TTPA: variants seen among roughly 807,000 people sequenced by gnomAD.
TTPA encodes alpha-tocopherol transfer protein.
TTPA carries 23 observed loss-of-function variants against 25.9 expected under a neutral mutation model. The observed-to-expected ratio is 0.89, with a 90% CI of 0.64 to 1.26. The LOEUF (loss-of-function observed/expected upper bound fraction) is 1.26, where lower values mean the gene tolerates loss of function less well. TTPA is among the 50% of genes most tolerant of loss of function. The probability of loss-of-function intolerance (pLI) is 0.00; values close to 1 mark genes in which losing one functional copy is unlikely to be tolerated. For synonymous variants in TTPA, 148 were observed against 137.3 expected (o/e 1.08, Z -0.54); for missense variants, 337 against 353.1 (o/e 0.95, Z 0.37).
In TTPA at chr8:63,060,066, ACT is replaced by A. The variant is rs1313107194; in HGVS notation, c.*1184_*1185del. On this transcript the variant is annotated 3_prime_UTR_variant, in exon 5 of 5. Coordinates refer to ENST00000260116, the MANE Select transcript of TTPA (RefSeq NM_000370.3). The stretch of plus-strand genomic sequence containing the variant: ...TAAAATATTCTGATACAATAGTCAA[ACT>A]CATATTATTTTATGCATAATCTGAA... The A allele has an allele frequency of 5.9e-5, 9 of 152,106 alleles. No individual in the cohort carries two copies. The highest frequency in any genetic ancestry group is 8.8e-5 in the Non-Finnish European group (6 of 68,010). The allele number at this position is 152,106 out of a possible 1,614,324, so 9.4% of individuals were successfully genotyped here.
chr8:63,062,917 A>T (rs961034041), intron 4 of TTPA, among the ~76,000 whole-genome samples: 8 of 152,238 alleles, frequency 5.3e-5, no homozygotes, highest in African/African-American at 1.9e-4. Flanking sequence ...GATTTGTATA[A>T]AAATACTAGA....
At chr8:63,073,584 G>A (rs77732929) in intron 1 of TTPA, among the ~76,000 whole-genome samples, 1 of 152,192 alleles carries the variant, frequency 6.6e-6, no homozygotes, top group Non-Finnish European at 1.5e-5. Context: ...GAGGCATGGA[G>A]GTTGAGAGGA....
At chr8:63,075,007 G>A (rs1269568981) in intron 1 of TTPA, among the ~76,000 whole-genome samples, 2 of 152,128 alleles carry the variant, frequency 1.3e-5, no homozygotes, top group Non-Finnish European at 1.5e-5. Context: ...TCACTATCTC[G>A]CACAATTTTT....
At chr8:63,062,778 G>C (rs2129737836) in intron 4 of TTPA, among the ~76,000 whole-genome samples, 1 of 151,614 alleles carries the variant, frequency 6.6e-6, no homozygotes, top group East Asian at 1.9e-4. Flanking sequence ...GTTTATTCTT[G>C]TTTTTGTTTT....
intron 4 of TTPA, 145 bp downstream of exon 4, chr8:63,064,061 G>A (rs944970925): frequency 1.7e-6 from 1 of 605,590 alleles, no homozygotes; most frequent in Non-Finnish European, 2.9e-6. Flanking sequence ...CTTTTTTTTA[G>A]TTGGCTTGTT....
intron 2 of TTPA, among the ~76,000 whole-genome samples, chr8:63,070,584 G>GTTTTCTTGA (rs1805468100): frequency 6.6e-6 from 1 of 151,982 alleles, no homozygotes; most frequent in Admixed American, 6.6e-5. Flanking sequence ...TAAGTTACAT[G>GTTTTCTTGA]TTTTCTTGAT....
chr8:63,074,872 A>G (rs1805537879), intron 1 of TTPA, among the ~76,000 whole-genome samples: 1 of 152,186 alleles, frequency 6.6e-6, no homozygotes, highest in African/African-American at 2.4e-5. Flanking sequence ...CAGCTTATTC[A>G]TCTCTGCAGA....
chr8:63,062,501 A>C lies in TTPA; in HGVS notation c.664-1076T>G, dbSNP rs545392907. 2.2e-3 allele frequency among the ~76,000 whole-genome samples: 332 copies of C among 152,322 alleles called. 2 individuals are homozygous for C. Among genetic ancestry groups the C allele is most frequent in the African/African-American group, 7.5e-3 (311 of 41,578 alleles). ...CTATACTCACTTAGGAAACTCACAA[A>C]GCCAATCTTTAATTTTTTCTGAAAT... On this transcript the variant is annotated intron_variant, in intron 4 of 4. Coordinates refer to ENST00000260116, the MANE Select transcript of TTPA (RefSeq NM_000370.3).
At position 63,061,152 on chromosome 8, in the gene TTPA, ATTAG is replaced by A; in HGVS notation, c.*96_*99del. On this transcript the variant is annotated 3_prime_UTR_variant, in exon 5 of 5. Transcript: ENST00000260116. ...CTACATTTTTAAAGTTCAGGCAAGC[ATTAG>A]TTTAAAAGATTTGCTCCTTTTCTTT... The A allele has an allele frequency of 8.2e-7, 1 of 1,220,562 alleles. No homozygotes were observed. The highest frequency in any genetic ancestry group is 1.2e-6 in the Non-Finnish European group (1 of 847,736). The allele number at this position is 1,220,562 out of a possible 1,614,324, so 75.6% of individuals were successfully genotyped here.
intron 2 of TTPA, among the ~76,000 whole-genome samples, chr8:63,069,337 G>C (rs1201677855): frequency 2.0e-5 from 3 of 150,840 alleles, no homozygotes; most frequent in African/African-American, 7.3e-5. Flanking sequence ...CAAAAAAATA[G>C]TTTATGTCCT....
chr8:63,061,103 TG>T lies in TTPA; in HGVS notation c.*148del. The T allele has an allele frequency of 1.3e-6, 1 of 788,778 alleles. No individual in the cohort carries two copies. The highest frequency in any genetic ancestry group is 1.7e-5 in the African/African-American group (1 of 57,462). 48.9% of individuals were successfully genotyped at this position (788,778 alleles called of 1,614,324 possible). A position where few individuals can be genotyped will look rare whatever the true frequency, so the allele number is the denominator to read the frequency against. Reference sequence around the variant, plus strand: ...AAAGTAAAAAATCTTTCCAAACACCTGTGTTGCTCATGTCAGAAGATTTCTA... The same window carrying T: ...AAAGTAAAAAATCTTTCCAAACACCTTGTTGCTCATGTCAGAAGATTTCTA... On this transcript the variant is annotated 3_prime_UTR_variant, in exon 5 of 5. Transcript: ENST00000260116.
chr8:63,068,925 T>C (rs1425504055), intron 2 of TTPA, among the ~76,000 whole-genome samples: 2 of 152,000 alleles, frequency 1.3e-5, no homozygotes, highest in African/African-American at 4.8e-5. Context: ...GAGGCCAAGG[T>C]GGACAGATCA....
intron 2 of TTPA, 108 bp downstream of exon 2, chr8:63,072,827 C>T (rs549121543): frequency 7.5e-7 from 1 of 1,338,432 alleles, no homozygotes; most frequent in East Asian, 2.3e-5. Flanking sequence ...TTGAAGCTTT[C>T]TATATGGTAT....
intron 1 of TTPA, among the ~76,000 whole-genome samples, chr8:63,078,793 C>A (rs955097223): frequency 6.6e-6 from 1 of 152,144 alleles, no homozygotes; most frequent in Non-Finnish European, 1.5e-5. Context: ...ACTTCCCCAA[C>A]CTAGCAAGTC....
At chr8:63,078,923 A>G (rs959212894) in intron 1 of TTPA, among the ~76,000 whole-genome samples, 1 of 152,232 alleles carries the variant, frequency 6.6e-6, no homozygotes, top group Non-Finnish European at 1.5e-5. Context: ...AGAAATGTTA[A>G]GGGCAGCCAG....
intron 2 of TTPA, 142 bp downstream of exon 2, chr8:63,072,793 C>T: frequency 7.5e-6 from 7 of 938,622 alleles, no homozygotes; most frequent in Non-Finnish European, 1.1e-5. Context: ...TAAATTAAAG[C>T]CCAAATTCCT....
Position 63,059,902 on chromosome 8 carries a change from G to A in TTPA, c.*1350C>T, listed in dbSNP as rs1282223411. 1 of 151,958 alleles carries A rather than the reference G, an allele frequency of 6.6e-6. No homozygotes were observed. The highest frequency in any genetic ancestry group is 1.5e-5 in the Non-Finnish European group (1 of 68,008). 9.4% of individuals were successfully genotyped at this position (151,958 alleles called of 1,614,324 possible). ...AGACAGGGTCTCCCTGTATTGCCCA[G>A]GCTGGTCTAGAACTCCTGCGCTCAA... On this transcript the variant is annotated 3_prime_UTR_variant, in exon 5 of 5. Coordinates refer to ENST00000260116, the MANE Select transcript of TTPA (RefSeq NM_000370.3).
At chr8:63,075,503 A>T (rs1379067568) in intron 1 of TTPA, among the ~76,000 whole-genome samples, 1 of 152,062 alleles carries the variant, frequency 6.6e-6, no homozygotes, top group African/African-American at 2.4e-5. Context: ...ATGGATCACG[A>T]GGTCAAGAGA....
At chr8:63,070,724 AG>A (rs1325844762) in intron 2 of TTPA, among the ~76,000 whole-genome samples, 1 of 152,212 alleles carries the variant, frequency 6.6e-6, no homozygotes, top group Non-Finnish European at 1.5e-5. Flanking sequence ...CTCACTATCA[AG>A]GTGTCACTTT....
Sources: gnomAD v4.1 joint callset for allele counts (sites outside exome capture counted in the v4.1 genomes callset) on GRCh38, gnomAD v4.1.1 for gene constraint, MANE v1.5 for transcripts, NCBI Gene and HGNC (gene_info 2026-07-23, HGNC 2026-07-21) for gene names.